KLF12: variants seen among roughly 807,000 people sequenced by gnomAD.
KLF12 encodes the protein Krueppel-like factor 12.
KLF12 carries 9 observed loss-of-function variants against 37.8 expected under a neutral mutation model. That is an observed-to-expected ratio of 0.24 (90% CI 0.14 to 0.42). The LOEUF (loss-of-function observed/expected upper bound fraction) is 0.42, where lower values mean the gene tolerates loss of function less well. Ranked by LOEUF, KLF12 falls within the 10% of genes least tolerant of loss-of-function variation. The pLI is 1.00. For synonymous variants in KLF12, 208 were observed against 202.1 expected (o/e 1.03, Z -0.25); for missense variants, 411 against 516.0 (o/e 0.80, Z 1.97).
chr13:73,743,034 A>G (rs906203283), intron 6 of KLF12, among the ~76,000 whole-genome samples: 5 of 150,820 alleles, frequency 3.3e-5, no homozygotes, highest in African/African-American at 1.2e-4. Context: ...AAAAAAAAAA[A>G]GGGAGCCTTT....
chr13:74,266,331 G>C, the KLF12 span, among the ~76,000 whole-genome samples: 1 of 152,144 alleles, frequency 6.6e-6, no homozygotes, highest in Non-Finnish European at 1.5e-5. Flanking sequence ...CTGGACCTTG[G>C]TAGGACTAAA....
At chr13:73,874,675 T>C (rs1178678145) in intron 3 of KLF12, among the ~76,000 whole-genome samples, 7 of 152,160 alleles carry the variant, frequency 4.6e-5, no homozygotes, top group Non-Finnish European at 1.0e-4. Context: ...ACCCTCCACC[T>C]TGGCAGATGG....
chr13:73,915,702 T>A (rs1482049407), intron 3 of KLF12, among the ~76,000 whole-genome samples: 39 of 147,918 alleles, frequency 2.6e-4, no homozygotes, highest in Non-Finnish European at 5.3e-4. Flanking sequence ...TTTTTTTTTT[T>A]TTTTTTTTTT....
intron 3 of KLF12, among the ~76,000 whole-genome samples, chr13:73,884,172 A>G (rs189483924): frequency 6.6e-6 from 1 of 152,300 alleles, no homozygotes; most frequent in Admixed American, 6.5e-5. Context: ...TATTAACAGT[A>G]CCTGCCCTCC....
At chr13:74,259,701 T>A in the KLF12 span, 1 of 152,198 alleles carries the variant, frequency 6.6e-6, no homozygotes, top group Admixed American at 6.5e-5. Context: ...TACTCAATGT[T>A]ATTAATCTTT....
chr13:74,087,159 G>A (rs1875356651), intron 1 of KLF12, among the ~76,000 whole-genome samples: 1 of 152,122 alleles, frequency 6.6e-6, no homozygotes, highest in Non-Finnish European at 1.5e-5. Context: ...GTGATTTGGG[G>A]TTAATTCTGA....
At chr13:74,279,971 T>A in the KLF12 span, among the ~76,000 whole-genome samples, 256 of 152,294 alleles carry the variant, frequency 1.7e-3, no homozygotes, top group African/African-American at 5.7e-3. Context: ...GGACCAGAAG[T>A]GTTGAATAAC....
At chr13:74,140,109 G>T in the KLF12 span, among the ~76,000 whole-genome samples, 1 of 152,000 alleles carries the variant, frequency 6.6e-6, no homozygotes, top group African/African-American at 2.4e-5. Flanking sequence ...GCTTCTTCTT[G>T]TAAAAAAAAT....
chr13:74,189,647 C>A, the KLF12 span, among the ~76,000 whole-genome samples: 7 of 152,174 alleles, frequency 4.6e-5, no homozygotes, highest in Non-Finnish European at 7.4e-5. Flanking sequence ...ACTCTCCAAC[C>A]CCTCAGTTCA....
chr13:74,014,243 C>A (rs1593830715), intron 1 of KLF12, among the ~76,000 whole-genome samples: 1 of 152,280 alleles, frequency 6.6e-6, no homozygotes, highest in Non-Finnish European at 1.5e-5. Flanking sequence ...TTGAGGCACA[C>A]CAGCCCAGTG....
intron 5 of KLF12, among the ~76,000 whole-genome samples, chr13:73,768,015 C>T (rs1395296768): frequency 6.6e-6 from 1 of 152,118 alleles, no homozygotes; most frequent in Admixed American, 6.5e-5. Flanking sequence ...CTATCTGCAC[C>T]ACAGAAAAGC....
the KLF12 span, among the ~76,000 whole-genome samples, chr13:74,198,307 G>GA: frequency 7.2e-4 from 109 of 152,208 alleles, no homozygotes; most frequent in African/African-American, 2.1e-3. Context: ...AAGGCTGTTA[G>GA]AAAAAATATA....
chr13:73,877,639 G>A (rs1297020422), intron 3 of KLF12, among the ~76,000 whole-genome samples: 1 of 152,188 alleles, frequency 6.6e-6, no homozygotes, highest in African/African-American at 2.4e-5. Flanking sequence ...TTTGTAAACT[G>A]ATGTCACCTT....
At chr13:73,754,032 C>T (rs1012182017) in intron 6 of KLF12, among the ~76,000 whole-genome samples, 22 of 152,172 alleles carry the variant, frequency 1.4e-4, no homozygotes, top group Admixed American at 1.3e-3. Context: ...TGGAAACTCA[C>T]ACACATATTC....
the KLF12 span, among the ~76,000 whole-genome samples, chr13:74,158,707 G>T: frequency 2.6e-5 from 4 of 152,122 alleles, no homozygotes; most frequent in Admixed American, 6.5e-5. Context: ...GTAATGTGGG[G>T]TGGGGATAAA....
chr13:73,945,033 G>A (rs1159002056), intron 2 of KLF12, among the ~76,000 whole-genome samples: 5 of 152,054 alleles, frequency 3.3e-5, no homozygotes, highest in Admixed American at 1.3e-4. Flanking sequence ...GTAACCACAG[G>A]ACACTAAAGT....
At chr13:74,285,259 T>C in the KLF12 span, among the ~76,000 whole-genome samples, 1 of 152,192 alleles carries the variant, frequency 6.6e-6, no homozygotes, top group Non-Finnish European at 1.5e-5. Flanking sequence ...TATGGAATCT[T>C]TCATAAGTGA....
chr13:74,243,942 C>T, the KLF12 span, among the ~76,000 whole-genome samples: 3 of 152,186 alleles, frequency 2.0e-5, no homozygotes, highest in Non-Finnish European at 4.4e-5. Context: ...CAATTGTGAT[C>T]TGTCTCACTT....
At chr13:73,830,382 T>C (rs1884089370) in intron 4 of KLF12, among the ~76,000 whole-genome samples, 1 of 152,172 alleles carries the variant, frequency 6.6e-6, no homozygotes, top group African/African-American at 2.4e-5. Context: ...AAAGATACTA[T>C]ATGGCTCTGA....
Sources: gnomAD v4.1 joint callset for allele counts (sites outside exome capture counted in the v4.1 genomes callset) on GRCh38, gnomAD v4.1.1 for gene constraint, MANE v1.5 for transcripts, NCBI Gene and HGNC (gene_info 2026-07-23, HGNC 2026-07-21) for gene names.